HACL1: variants seen among roughly 807,000 people sequenced by gnomAD.
The protein encoded by HACL1 is 2-hydroxyacyl-CoA lyase 1.
A neutral mutation model predicts 74.2 loss-of-function variants in HACL1; 64 were observed. The ratio of observed to expected loss-of-function variants is 0.86; its 90% CI spans 0.70 to 1.06. The LOEUF (loss-of-function observed/expected upper bound fraction) is 1.06, where lower values mean the gene tolerates loss of function less well. Ranked by LOEUF, HACL1 falls within the 50% of genes least tolerant of loss-of-function variation. HACL1 has a pLI of 0.00. For synonymous variants in HACL1, 230 were observed against 238.8 expected, an observed-to-expected ratio of 0.96 and a Z score of 0.34; for missense variants, 728 against 719.7, an observed-to-expected ratio of 1.01 and a Z score of -0.13.
intron 11 of HACL1, 61 bp from the exon 12 acceptor site, chr3:15,571,830 T>C (rs2063538304): frequency 9.5e-6 from 1 of 105,348 alleles, no homozygotes; most frequent in Non-Finnish European, 1.6e-5. Context: ...CTTTTTTTTC[T>C]TTTTTTTTTT....
At chr3:15,593,207 GTA>G (rs1388238565) in intron 3 of HACL1, among the ~76,000 whole-genome samples, 6 of 140,512 alleles carry the variant, frequency 4.3e-5, no homozygotes, top group East Asian at 2.2e-4. Flanking sequence ...GTGCGTGTGT[GTA>G]TATATATACA....
At chr3:15,593,503 G>A (rs560300155) in intron 3 of HACL1, among the ~76,000 whole-genome samples, 4 of 152,128 alleles carry the variant, frequency 2.6e-5, no homozygotes, top group Non-Finnish European at 4.4e-5. Context: ...ACAGGCATAA[G>A]CCAGCATGCC....
Position 15,563,440 on chromosome 3 carries a change from G to T in HACL1, c.1622C>A (p.Ser541Tyr), listed in dbSNP as rs370345174. 3 of 1,611,770 alleles carry T rather than the reference G, an allele frequency of 1.9e-6. No individual in the cohort carries two copies. Among genetic ancestry groups the T allele is most frequent in the Non-Finnish European group, 2.5e-6 (3 of 1,177,988 alleles). Residue 541 changes from serine (S) to tyrosine (Y), a missense_variant, in exon 16 of 17, where the codon TCC (serine) becomes TAC (tyrosine). Transcript: ENST00000321169. ...FVQTPEELQKSLRQSLADTTK... is the reference protein window; with the variant it reads ...FVQTPEELQKYLRQSLADTTK... ...TGTGTCTGCTAGGCTCTGCCTCAGG[G>T]ATTTTTGGAGTTCTTCTGGTGTTTG... is the stretch of plus-strand genomic sequence containing the variant.
intron 5 of HACL1, among the ~76,000 whole-genome samples, chr3:15,588,769 G>A (rs1410421327): frequency 6.8e-6 from 1 of 148,078 alleles, no homozygotes; most frequent in Non-Finnish European, 1.5e-5. Flanking sequence ...TAAAACTGTA[G>A]CATTTTGTTG....
intron 16 of HACL1, among the ~76,000 whole-genome samples, chr3:15,561,274 C>T (rs2063342816): frequency 2.0e-5 from 3 of 152,222 alleles, no homozygotes. Context: ...TTTTCCAGAA[C>T]TAACACCATC....
chr3:15,582,109 C>G (rs77130554), intron 8 of HACL1, among the ~76,000 whole-genome samples: 3,602 of 152,214 alleles, frequency 0.024, 223 homozygotes, highest in Admixed American at 0.12. Flanking sequence ...GATTTAGTTC[C>G]TAAGCAGTTG....
At chr3:15,577,025 T>C (rs1559552802) in intron 9 of HACL1, among the ~76,000 whole-genome samples, 1 of 152,226 alleles carries the variant, frequency 6.6e-6, no homozygotes, top group Non-Finnish European at 1.5e-5. Flanking sequence ...AATATTATCC[T>C]CTTAAAATCT....
rs576892450 is a variant in HACL1, at chr3:15,590,239, G to A, written c.309-627C>T. 2.6e-5 allele frequency among the ~76,000 whole-genome samples: 4 copies of A among 151,982 alleles called. No individual in the cohort carries two copies. The South Asian group carries it at 6.2e-4, about 24-fold the overall frequency. On this transcript the variant is annotated intron_variant, in intron 4 of 16. Coordinates refer to ENST00000321169, the MANE Select transcript of HACL1 (RefSeq NM_012260.4). ...TATGCCTTTCTTATTCTTGGGATAA[G>A]GGGAAGAAAAATTTTACACTTTCCT...
intron 5 of HACL1, among the ~76,000 whole-genome samples, chr3:15,587,172 T>G (rs1167337639): frequency 1.3e-5 from 2 of 150,862 alleles, no homozygotes; most frequent in African/African-American, 2.4e-5. Context: ...ATGAAATCTA[T>G]GAAAAGCTGA....
intron 7 of HACL1, among the ~76,000 whole-genome samples, chr3:15,583,916 C>T (rs1169715945): frequency 2.0e-5 from 3 of 152,118 alleles, no homozygotes; most frequent in Non-Finnish European, 4.4e-5. Context: ...CTCGGCCTCC[C>T]AAAGTGCTGA....
chr3:15,563,540 G>A lies in HACL1; in HGVS notation c.1522C>T (p.Pro508Ser), dbSNP rs1424064718. 6 of 1,596,546 alleles carry A rather than the reference G, an allele frequency of 3.8e-6. No individual in the cohort carries two copies. The highest frequency in any genetic ancestry group is 1.3e-5 in the African/African-American group (1 of 74,432). ...GAATTTGGCAGCAAACACATTGGAG[G>A]GACCCTGAAAAACAAGGTCATGAGT... ...LKFQDATAVV[P>S]PMCLLPNSHY... Residue 508 changes from proline (P) to serine (S), a missense_variant, in exon 16 of 17, where the codon CCT becomes TCT. Physicochemically the swap from Pro to Ser is moderately conservative, Grantham distance 74. Transcript: ENST00000321169.
chr3:15,573,249 A>C lies in HACL1; in HGVS notation c.910-7T>G. ...CTTCTGCACAGATATCAACCTAAAA[A>C]AGAGACAAGGCTAAAGAACAACCCA... On this transcript the variant is annotated splice_polypyrimidine_tract_variant and splice_region_variant and intron_variant, in intron 10 of 16. Transcript: ENST00000321169. 4 of 1,566,578 alleles carry C rather than the reference A, an allele frequency of 2.6e-6. No individual in the cohort carries two copies. The highest frequency in any genetic ancestry group is 3.5e-6 in the Non-Finnish European group (4 of 1,137,466).
At chr3:15,595,090 G>C (rs1457143364) in intron 3 of HACL1, among the ~76,000 whole-genome samples, 1 of 151,952 alleles carries the variant, frequency 6.6e-6, no homozygotes, top group African/African-American at 2.4e-5. Context: ...TTGCACCACT[G>C]CACTGTCCAG....
intron 3 of HACL1, chr3:15,596,085 A>G: frequency 3.7e-6 from 1 of 266,732 alleles, no homozygotes; most frequent in East Asian, 7.6e-5. Flanking sequence ...TGAACCAAGC[A>G]TTTTTGTATT....
At chr3:15,600,530 A>C (rs1364188692) in intron 2 of HACL1, among the ~76,000 whole-genome samples, 1 of 152,240 alleles carries the variant, frequency 6.6e-6, no homozygotes, top group African/African-American at 2.4e-5. Context: ...ATGTGGTGGA[A>C]AAAGCATCAG....
chr3:15,573,167 T>G lies in HACL1; in HGVS notation c.985A>C (p.Thr329Pro). 3 of 1,589,222 alleles carry G rather than the reference T, an allele frequency of 1.9e-6. No homozygotes were observed. Among genetic ancestry groups the G allele is most frequent in the Non-Finnish European group, 2.6e-6 (3 of 1,157,354 alleles). Reference sequence around the variant, plus strand: ...AAAACAAAAGTTCTCACCTGCTTAGTGACAGCATGTATGTTTCCTAGCAAA... The same window carrying G: ...AAAACAAAAGTTCTCACCTGCTTAGGGACAGCATGTATGTTTCCTAGCAAA... ...VTLLGNIHAV[T>P]KQLLEELDKT... Residue 329 changes from threonine (T) to proline (P), a missense_variant, in exon 11 of 17, where the codon ACT (threonine) becomes CCT (proline). Physicochemically the swap from Thr to Pro is conservative, Grantham distance 38 (BLOSUM62 -1). Coordinates refer to ENST00000321169, the MANE Select transcript of HACL1 (RefSeq NM_012260.4).
At chr3:15,594,639 A>C (rs2064023141) in intron 3 of HACL1, among the ~76,000 whole-genome samples, 1 of 152,238 alleles carries the variant, frequency 6.6e-6, no homozygotes. Flanking sequence ...AATGTTCTGC[A>C]TTTGCAGTAT....
At chr3:15,572,012 G>T (rs570680192) in intron 11 of HACL1, among the ~76,000 whole-genome samples, 2 of 151,268 alleles carry the variant, frequency 1.3e-5, no homozygotes, top group Non-Finnish European at 2.9e-5. Flanking sequence ...GCTAATTTTT[G>T]TATTTTTAGT....
At chr3:15,565,344 G>T (rs1484118543) in intron 14 of HACL1, among the ~76,000 whole-genome samples, 1 of 152,106 alleles carries the variant, frequency 6.6e-6, no homozygotes. Context: ...TGTTTGAAAC[G>T]TACCTTTCTA....
Sources: allele counts gnomAD v4.1 joint callset (sites outside exome capture counted in the v4.1 genomes callset), GRCh38; gene constraint gnomAD v4.1.1; transcripts MANE v1.5; gene names NCBI Gene and HGNC (gene_info 2026-07-23, HGNC 2026-07-21).